PPARGC1A: variants seen among roughly 807,000 people sequenced by gnomAD.
PPARGC1A encodes peroxisome proliferator-activated receptor gamma coactivator 1-alpha.
In PPARGC1A, 25 loss-of-function variants were observed where a neutral mutation model predicts 88.7. The observed-to-expected ratio is 0.28, with a 90% CI of 0.21 to 0.39. The LOEUF is 0.39. PPARGC1A is among the 10% of genes least tolerant of loss of function. The pLI, the probability that PPARGC1A is intolerant of heterozygous loss-of-function variation, is 1.00. For synonymous variants in PPARGC1A, 363 were observed against 355.6 expected (o/e 1.02, Z -0.24); for missense variants, 880 against 968.7 (o/e 0.91, Z 1.22).
chr4:23,949,411 A>G, the PPARGC1A span, among the ~76,000 whole-genome samples: 1 of 152,166 alleles, frequency 6.6e-6, no homozygotes, highest in Non-Finnish European at 1.5e-5. Flanking sequence ...GCGGCTGGCT[A>G]TAGCTGCCAG....
chr4:24,070,012 T>C, the PPARGC1A span, among the ~76,000 whole-genome samples: 94,259 of 151,998 alleles, frequency 0.62, 29,576 homozygotes, highest in Non-Finnish European at 0.66. Flanking sequence ...GTGACTTCCC[T>C]GAGTGTCACT....
At chr4:23,931,704 T>C in the PPARGC1A span, among the ~76,000 whole-genome samples, 3 of 152,128 alleles carry the variant, frequency 2.0e-5, no homozygotes, top group African/African-American at 4.8e-5. Flanking sequence ...GGCAGTAAAA[T>C]GGAAAAATAA....
At chr4:24,210,531 AT>A in the PPARGC1A span, among the ~76,000 whole-genome samples, 1 of 152,082 alleles carries the variant, frequency 6.6e-6, no homozygotes, top group Non-Finnish European at 1.5e-5. Context: ...GTGTTTTGTT[AT>A]TTTTTTCCCT....
the PPARGC1A span, among the ~76,000 whole-genome samples, chr4:24,435,346 G>A: frequency 1.3e-5 from 2 of 152,164 alleles, no homozygotes; most frequent in African/African-American, 2.4e-5. Context: ...AGTTGCACTG[G>A]CATTTGCTCA....
chr4:24,387,832 G>GAAAGAAAGAAAGAAAGAA, the PPARGC1A span, among the ~76,000 whole-genome samples: 2 of 100,446 alleles, frequency 2.0e-5, no homozygotes, highest in Non-Finnish European at 4.8e-5. Context: ...AAGAGAGAAA[G>GAAAGAAAGAAAGAAAGAA]AGAGAAAGAG....
At chr4:24,397,535 G>A in the PPARGC1A span, among the ~76,000 whole-genome samples, 2 of 152,112 alleles carry the variant, frequency 1.3e-5, no homozygotes, top group African/African-American at 4.8e-5. Flanking sequence ...GGGAATGAGG[G>A]GTGCAAATTC....
At chr4:23,880,182 G>T (rs751928393) in intron 2 of PPARGC1A, among the ~76,000 whole-genome samples, 26 of 151,936 alleles carry the variant, frequency 1.7e-4, no homozygotes, top group Non-Finnish European at 3.5e-4. Context: ...TATTGTTTTC[G>T]AATTGCTAAG....
At chr4:23,868,384 T>C (rs1010706029) in intron 2 of PPARGC1A, among the ~76,000 whole-genome samples, 1 of 152,192 alleles carries the variant, frequency 6.6e-6, no homozygotes, top group East Asian at 1.9e-4. Flanking sequence ...ATCTTGGATA[T>C]GTCTTATTTT....
chr4:24,214,218 C>T, the PPARGC1A span, among the ~76,000 whole-genome samples: 10 of 152,288 alleles, frequency 6.6e-5, no homozygotes, highest in Admixed American at 4.6e-4. Context: ...TCCCTGAGAA[C>T]TGTTAATATA....
the PPARGC1A span, among the ~76,000 whole-genome samples, chr4:24,455,169 C>T: frequency 2.0e-5 from 3 of 152,200 alleles, no homozygotes; most frequent in Non-Finnish European, 4.4e-5. Flanking sequence ...TGAAGGCTGA[C>T]TCTTACCAGC....
the PPARGC1A span, among the ~76,000 whole-genome samples, chr4:24,379,501 A>ACG: frequency 6.6e-6 from 1 of 152,074 alleles, no homozygotes; most frequent in Non-Finnish European, 1.5e-5. Flanking sequence ...ATCATTATAC[A>ACG]TTCTATGCAT....
chr4:23,982,743 T>G, the PPARGC1A span, among the ~76,000 whole-genome samples: 3 of 152,208 alleles, frequency 2.0e-5, no homozygotes, highest in African/African-American at 7.2e-5. Context: ...TTTTCTCATC[T>G]ATAAAGTTGG....
At chr4:24,363,870 T>C in the PPARGC1A span, among the ~76,000 whole-genome samples, 1 of 152,308 alleles carries the variant, frequency 6.6e-6, no homozygotes, top group African/African-American at 2.4e-5. Flanking sequence ...CAGGGAGTTG[T>C]AGGCCCCTCT....
At chr4:24,325,037 T>C in the PPARGC1A span, among the ~76,000 whole-genome samples, 2 of 152,302 alleles carry the variant, frequency 1.3e-5, no homozygotes, top group East Asian at 3.9e-4. Context: ...CCCAGCAATT[T>C]ACTCTTAAAA....
At chr4:23,977,639 A>G in the PPARGC1A span, among the ~76,000 whole-genome samples, 12 of 152,334 alleles carry the variant, frequency 7.9e-5, no homozygotes, top group East Asian at 2.1e-3. Flanking sequence ...ACGTTTACCT[A>G]TGGAAAAAAC....
chr4:23,829,409 C>G (rs1577422616), intron 4 of PPARGC1A, 54 bp downstream of exon 4: 1 of 1,588,930 alleles, frequency 6.3e-7, no homozygotes, highest in Non-Finnish European at 8.6e-7. Flanking sequence ...TTTACTGCTT[C>G]AAGCCAAAAT....
chr4:24,217,803 G>GA, the PPARGC1A span, among the ~76,000 whole-genome samples: 1 of 151,860 alleles, frequency 6.6e-6, no homozygotes, highest in African/African-American at 2.4e-5. Flanking sequence ...ACTCCATCAT[G>GA]AAAAAATAAT....
At chr4:24,400,640 T>C in the PPARGC1A span, among the ~76,000 whole-genome samples, 3 of 152,196 alleles carry the variant, frequency 2.0e-5, no homozygotes, top group African/African-American at 4.8e-5. Flanking sequence ...TTGCCAGCAA[T>C]GACATTGACA....
chr4:23,963,418 A>G, the PPARGC1A span, among the ~76,000 whole-genome samples: 1 of 152,282 alleles, frequency 6.6e-6, no homozygotes, highest in Admixed American at 6.5e-5. Context: ...TGCTCAGCAG[A>G]GTGAATGAGT....
Sources: gnomAD v4.1 joint callset for allele counts (sites outside exome capture counted in the v4.1 genomes callset) on GRCh38, gnomAD v4.1.1 for gene constraint, MANE v1.5 for transcripts, NCBI Gene and HGNC (gene_info 2026-07-23, HGNC 2026-07-21) for gene names.